The following GULP1 variants were observed in gnomAD, a reference collection of about 807,000 sequenced individuals.
GULP1 encodes PTB domain-containing engulfment adapter protein 1.
GULP1 carries 19 observed loss-of-function variants against 40.9 expected under a neutral mutation model. The observed-to-expected ratio is 0.46, with a 90% CI of 0.32 to 0.68. GULP1 has a LOEUF of 0.68. GULP1 is among the 30% of genes least tolerant of loss of function. The pLI, the probability that GULP1 is intolerant of heterozygous loss-of-function variation, is 0.03. For missense variants in GULP1, 312 were observed against 362.2 expected, an observed-to-expected ratio of 0.86 and a Z score of 1.12; for synonymous variants, 119 against 117.6, an observed-to-expected ratio of 1.01 and a Z score of -0.08.
intron 1 of GULP1, among the ~76,000 whole-genome samples, chr2:188,357,435 G>A (rs1192784288): frequency 6.6e-6 from 1 of 152,138 alleles, no homozygotes; most frequent in Non-Finnish European, 1.5e-5. Flanking sequence ...TTATCAGTAA[G>A]TATATGAGAA....
At chr2:188,557,057 G>A (rs558473167) in intron 7 of GULP1, among the ~76,000 whole-genome samples, 5 of 151,774 alleles carry the variant, frequency 3.3e-5, no homozygotes, top group Non-Finnish European at 7.4e-5. Context: ...CTACCACCAT[G>A]TTCCAATCAC....
intron 1 of GULP1, among the ~76,000 whole-genome samples, chr2:188,377,222 C>G (rs1322841089): frequency 1.3e-5 from 2 of 151,332 alleles, no homozygotes; most frequent in Non-Finnish European, 2.9e-5. Context: ...TATTTATGTA[C>G]AAAGATATGT....
At chr2:188,548,406 A>G (rs1692531308) in intron 7 of GULP1, among the ~76,000 whole-genome samples, 2 of 152,110 alleles carry the variant, frequency 1.3e-5, no homozygotes, top group Non-Finnish European at 2.9e-5. Context: ...AAGAAGTGAA[A>G]TTTGTATGCT....
chr2:188,572,627 T>C (rs1699297881), intron 9 of GULP1, among the ~76,000 whole-genome samples: 1 of 152,240 alleles, frequency 6.6e-6, no homozygotes, highest in Non-Finnish European at 1.5e-5. Flanking sequence ...TTAAAAATTA[T>C]TTGTCACATG....
At chr2:188,337,691 C>T (rs777669318) in intron 1 of GULP1, among the ~76,000 whole-genome samples, 13 of 151,882 alleles carry the variant, frequency 8.6e-5, no homozygotes, top group Admixed American at 1.3e-4. Flanking sequence ...TGATGGTAGT[C>T]GTGCTGAGCT....
intron 1 of GULP1, among the ~76,000 whole-genome samples, chr2:188,372,365 A>G (rs2047709653): frequency 6.6e-6 from 1 of 152,066 alleles, no homozygotes; most frequent in South Asian, 2.1e-4. Context: ...GAAATTAAAT[A>G]TCGTTAGTAT....
intron 9 of GULP1, among the ~76,000 whole-genome samples, chr2:188,571,456 G>T (rs1699019545): frequency 6.6e-6 from 1 of 152,156 alleles, no homozygotes; most frequent in African/African-American, 2.4e-5. Flanking sequence ...TATTTCCATT[G>T]CTTGGCAGAT....
intron 1 of GULP1, among the ~76,000 whole-genome samples, chr2:188,312,015 A>T (rs565042501): frequency 6.6e-6 from 1 of 151,826 alleles, no homozygotes; most frequent in African/African-American, 2.4e-5. Flanking sequence ...ATACAGCATT[A>T]ATATAGACTT....
intron 1 of GULP1, among the ~76,000 whole-genome samples, chr2:188,329,421 G>A (rs1366574333): frequency 1.3e-5 from 2 of 152,116 alleles, no homozygotes; most frequent in African/African-American, 4.8e-5. Flanking sequence ...TGTGAAGTAG[G>A]TGAAGAAAAA....
intron 6 of GULP1, among the ~76,000 whole-genome samples, chr2:188,533,979 A>G (rs376070005): frequency 6.6e-6 from 1 of 152,300 alleles, no homozygotes; most frequent in African/African-American, 2.4e-5. Flanking sequence ...TTCAAAAATA[A>G]CAGATGCTGG....
At chr2:188,548,675 G>T (rs892934058) in intron 7 of GULP1, among the ~76,000 whole-genome samples, 1 of 151,978 alleles carries the variant, frequency 6.6e-6, no homozygotes, top group Non-Finnish European at 1.5e-5. Flanking sequence ...CCTGTTTCAA[G>T]ACTTATTAGA....
chr2:188,580,809 A>G (rs575235821), intron 9 of GULP1, among the ~76,000 whole-genome samples: 1 of 152,182 alleles, frequency 6.6e-6, no homozygotes, highest in East Asian at 1.9e-4. Context: ...TTTAGTTACT[A>G]CCTTTTACAA....
At chr2:188,508,709 A>G (rs917310444) in intron 4 of GULP1, among the ~76,000 whole-genome samples, 2 of 152,028 alleles carry the variant, frequency 1.3e-5, no homozygotes, top group Non-Finnish European at 2.9e-5. Flanking sequence ...ATAAAATAAT[A>G]AGAAAAAAAA....
At chr2:188,362,926 G>A (rs1260316147) in intron 1 of GULP1, among the ~76,000 whole-genome samples, 1 of 151,812 alleles carries the variant, frequency 6.6e-6, no homozygotes, top group Non-Finnish European at 1.5e-5. Context: ...AACAGAATAT[G>A]GAAAGGGAAA....
rs150328073 is a variant in GULP1 at position 188,548,032 on chromosome 2, T to TA, written c.399+6722dup. On this transcript the variant is annotated intron_variant, in intron 7 of 11. Coordinates refer to ENST00000409830, the MANE Select transcript of GULP1 (RefSeq NM_016315.4). ...AAAATACAGATATTTTACTTTATGG[T>TA]AAAAAAAAGTATGCTTTCCTCCTAA... Among the ~76,000 whole-genome samples the TA allele has an allele frequency of 2.2e-4, 33 of 151,872 alleles. 1 individual carries two copies. The highest frequency in any genetic ancestry group is 7.7e-4 in the East Asian group (4 of 5,174).
chr2:188,338,714 ATG>A (rs1157504770), intron 1 of GULP1, among the ~76,000 whole-genome samples: 1 of 152,198 alleles, frequency 6.6e-6, no homozygotes, highest in Non-Finnish European at 1.5e-5. Context: ...TCTAAAATTT[ATG>A]TGTTTCTTAG....
At chr2:188,511,066 A>T (rs2064482318) in intron 4 of GULP1, among the ~76,000 whole-genome samples, 1 of 152,176 alleles carries the variant, frequency 6.6e-6, no homozygotes, top group African/African-American at 2.4e-5. Context: ...AATTCTCACA[A>T]GAACACTGAG....
At chr2:188,565,438 C>T (rs1168328833) in intron 7 of GULP1, among the ~76,000 whole-genome samples, 1 of 151,928 alleles carries the variant, frequency 6.6e-6, no homozygotes, top group Non-Finnish European at 1.5e-5. Flanking sequence ...ACACACGAAA[C>T]TGAGCAATAT....
chr2:188,363,969 T>A (rs1013946918), intron 1 of GULP1, among the ~76,000 whole-genome samples: 1 of 152,180 alleles, frequency 6.6e-6, no homozygotes, highest in Non-Finnish European at 1.5e-5. Context: ...ACTTATCAGA[T>A]CTAACATTGC....
Sources: allele counts gnomAD v4.1 joint callset (sites outside exome capture counted in the v4.1 genomes callset), GRCh38; gene constraint gnomAD v4.1.1; transcripts MANE v1.5; gene names NCBI Gene and HGNC (gene_info 2026-07-23, HGNC 2026-07-21).